The following DENND1B variants were observed in gnomAD, a reference collection of about 807,000 sequenced individuals.
DENND1B encodes DENN domain containing 1B.
In DENND1B, 59 loss-of-function variants were observed where a neutral mutation model predicts 90.1. The observed-to-expected ratio is 0.65, with a 90% confidence interval of 0.53 to 0.81. The LOEUF is 0.81. Among genes scored for constraint, DENND1B ranks in the 40% least tolerant of loss-of-function variants. The pLI is 0.00. For missense variants in DENND1B, 862 were observed against 912.6 expected, an observed-to-expected ratio of 0.94 and a Z score of 0.71; for synonymous variants, 337 against 324.6, an observed-to-expected ratio of 1.04 and a Z score of -0.41.
At chr1:197,549,916 G>T (rs550102015) in intron 16 of DENND1B, among the ~76,000 whole-genome samples, 1 of 151,744 alleles carries the variant, frequency 6.6e-6, no homozygotes, top group African/African-American at 2.4e-5. Flanking sequence ...TGTGAATCTA[G>T]ATGTTCCTTA....
chr1:197,623,218 C>A (rs1395077776), intron 10 of DENND1B, among the ~76,000 whole-genome samples: 1 of 151,224 alleles, frequency 6.6e-6, no homozygotes, highest in East Asian at 1.9e-4. Context: ...GTATTAGAGA[C>A]CTCACCTGAT....
chr1:197,647,176 A>G (rs1238861279), intron 7 of DENND1B, 62 bp from the exon 8 acceptor site: 1 of 1,207,396 alleles, frequency 8.3e-7, no homozygotes, highest in Non-Finnish European at 1.1e-6. Context: ...TTACACAACA[A>G]TTTGCTGTGT....
intron 8 of DENND1B, among the ~76,000 whole-genome samples, chr1:197,646,560 C>T (rs1238083894): frequency 2.0e-5 from 3 of 151,708 alleles, no homozygotes; most frequent in Non-Finnish European, 2.9e-5. Flanking sequence ...ATCTGAATCA[C>T]ATAAGGACAT....
intron 19 of DENND1B, among the ~76,000 whole-genome samples, chr1:197,540,526 A>C (rs549414220): frequency 3.5e-4 from 54 of 152,258 alleles, no homozygotes; most frequent in African/African-American, 1.3e-3. Context: ...ATACATACAT[A>C]ATATTTTGTA....
intron 16 of DENND1B, among the ~76,000 whole-genome samples, chr1:197,547,696 C>A (rs1670918340): frequency 6.6e-6 from 1 of 152,116 alleles, no homozygotes; most frequent in Admixed American, 6.6e-5. Context: ...ATAAGTTGCC[C>A]TGTTTAAAAG....
intron 3 of DENND1B, among the ~76,000 whole-genome samples, chr1:197,677,328 T>C (rs1656184415): frequency 6.6e-6 from 1 of 152,228 alleles, no homozygotes; most frequent in Admixed American, 6.5e-5. Context: ...TCCAGGATTA[T>C]GGCTCTAACT....
At chr1:197,639,026 T>A (rs572700765) in intron 10 of DENND1B, among the ~76,000 whole-genome samples, 1 of 152,108 alleles carries the variant, frequency 6.6e-6, no homozygotes, top group African/African-American at 2.4e-5. Context: ...TGCTTACATA[T>A]CTTAATTTTT....
At chr1:197,523,368 T>C (rs1438064802) in intron 20 of DENND1B, among the ~76,000 whole-genome samples, 1 of 151,962 alleles carries the variant, frequency 6.6e-6, no homozygotes, top group Non-Finnish European at 1.5e-5. Context: ...CTAAGACCAA[T>C]CACAGATATA....
intron 2 of DENND1B, chr1:197,735,687 G>C (rs764112061): frequency 6.8e-6 from 11 of 1,614,056 alleles, no homozygotes; most frequent in Admixed American, 6.7e-5. Context: ...CCCCGGACAC[G>C]GGAGGCGCTA....
At chr1:197,759,427 A>G (rs1008316834) in intron 2 of DENND1B, among the ~76,000 whole-genome samples, 1 of 151,140 alleles carries the variant, frequency 6.6e-6, no homozygotes, top group Non-Finnish European at 1.5e-5. Flanking sequence ...AATAAATGAA[A>G]AAAAAACACC....
At chr1:197,613,468 G>A (rs1677364089) in intron 11 of DENND1B, among the ~76,000 whole-genome samples, 1 of 150,278 alleles carries the variant, frequency 6.7e-6, no homozygotes, top group Non-Finnish European at 1.5e-5. Context: ...GAATTGATCT[G>A]ATATTCTGGA....
At chr1:197,685,168 T>C (rs1434638224) in intron 3 of DENND1B, among the ~76,000 whole-genome samples, 2 of 151,998 alleles carry the variant, frequency 1.3e-5, no homozygotes, top group Non-Finnish European at 2.9e-5. Context: ...TATGTCATAT[T>C]GAGAACAAGA....
rs754871541 is a variant in DENND1B at position 197,539,979 on chromosome 1, C to T, written c.1500G>A (p.Lys500=). 1.2e-6 allele frequency: 2 copies of T among 1,612,950 alleles called. No homozygotes were observed. Among genetic ancestry groups the T allele is most frequent in the Non-Finnish European group, 1.7e-6 (2 of 1,179,244 alleles). The part of the protein sequence containing the change: ...LHNEKGGNSE[K]RKLAQARLKR... ...CCTTACTTACCTGAGCAAGCTTACG[C>T]TTTTCTGAGTTTCCTCCCTTTTCAT... The change falls in exon 20 of 23, where the codon AAG becomes AAA. Residue 500 remains lysine (K), a synonymous_variant. Coordinates refer to ENST00000620048, the MANE Select transcript of DENND1B (RefSeq NM_001195215.2).
rs1667930528 is a variant in DENND1B at position 197,510,297 on chromosome 1, A to G, written c.*163T>C. 11 of 774,054 alleles carry G rather than the reference A, an allele frequency of 1.4e-5. No homozygotes were observed. The South Asian group carries it at 2.4e-4, about 17-fold the overall frequency. The allele number at this position is 774,054 out of a possible 1,614,324, so 47.9% of individuals were successfully genotyped here. A position where few individuals can be genotyped will look rare whatever the true frequency, so the allele number is the denominator to read the frequency against. On this transcript the variant is annotated 3_prime_UTR_variant, in exon 23 of 23. Transcript: ENST00000620048. ...AGTAGAATTCGCTTTATATTTAAAA[A>G]TCAATGCATTTCATATATCCTCGAA...
At chr1:197,700,890 T>A (rs1011983908) in intron 3 of DENND1B, among the ~76,000 whole-genome samples, 2 of 152,114 alleles carry the variant, frequency 1.3e-5, no homozygotes, top group African/African-American at 4.8e-5. Context: ...TGGGATACCA[T>A]CTCACGACAG....
At chr1:197,529,185 C>A (rs1669373445) in intron 20 of DENND1B, among the ~76,000 whole-genome samples, 1 of 135,594 alleles carries the variant, frequency 7.4e-6, no homozygotes, top group Non-Finnish European at 1.5e-5. Flanking sequence ...TTTTTCCCGA[C>A]ATGAAATAGT....
In DENND1B at chr1:197,642,723, G is replaced by C; in HGVS notation, c.660C>G (p.Ser220Arg). The change falls in exon 10 of 23, where the codon AGC (serine) becomes AGG (arginine). Residue 220 changes from serine to arginine, a missense_variant. Physicochemically the swap from Ser to Arg is moderately radical, Grantham distance 110. Transcript: ENST00000620048. The stretch of plus-strand genomic sequence containing the variant: ...GTGAAGTACTTACAGTGCTTAATTT[G>C]CTCGAGATAATCACGATGCGCCTTT... ...LHERRIVIIS[S>R]KLSTLTACIH... is the part of the protein sequence containing the mutation. 6.2e-6 allele frequency: 10 copies of C among 1,612,494 alleles called. No homozygotes were observed. Among genetic ancestry groups the C allele is most frequent in the Non-Finnish European group, 7.6e-6 (9 of 1,179,198 alleles).
At chr1:197,625,990 C>A (rs1257835941) in intron 10 of DENND1B, among the ~76,000 whole-genome samples, 1 of 152,110 alleles carries the variant, frequency 6.6e-6, no homozygotes, top group Non-Finnish European at 1.5e-5. Context: ...AATACATATG[C>A]ACCCAATACA....
At chr1:197,755,478 G>T (rs1304653218) in intron 2 of DENND1B, among the ~76,000 whole-genome samples, 1 of 151,182 alleles carries the variant, frequency 6.6e-6, no homozygotes, top group African/African-American at 2.4e-5. Context: ...AGAAAAAAAA[G>T]ATCGGACTTT....
Sources: allele counts gnomAD v4.1 joint callset (sites outside exome capture counted in the v4.1 genomes callset), GRCh38; gene constraint gnomAD v4.1.1; transcripts MANE v1.5; gene names NCBI Gene and HGNC (gene_info 2026-07-23, HGNC 2026-07-21).